Variants in RNF216 observed in about 807,000 individuals in gnomAD.
RNF216 encodes ring finger protein 216, also known as E3 ubiquitin-protein ligase RNF216.
A neutral mutation model predicts 110.8 loss-of-function variants in RNF216; 72 were observed. The observed-to-expected ratio is 0.65, with a 90% CI of 0.54 to 0.79. RNF216 has a LOEUF of 0.79. RNF216 is among the 30% of genes least tolerant of loss of function. The pLI, the probability that RNF216 is intolerant of heterozygous loss-of-function variation, is 0.00. For synonymous variants in RNF216, 495 were observed against 407.5 expected, an observed-to-expected ratio of 1.21 and a Z score of -2.59; for missense variants, 1,342 against 1,141.2, an observed-to-expected ratio of 1.18 and a Z score of -2.54.
chr7:5,768,060 C>T (rs189263090), intron 1 of RNF216, among the ~76,000 whole-genome samples: 142 of 152,018 alleles, frequency 9.3e-4, no homozygotes, highest in Non-Finnish European at 1.6e-3. Flanking sequence ...GATGATTTGC[C>T]GGTACTCTAA....
chr7:5,765,395 T>C (rs1562474796), intron 1 of RNF216, among the ~76,000 whole-genome samples: 1 of 151,578 alleles, frequency 6.6e-6, no homozygotes, highest in Non-Finnish European at 1.5e-5. Context: ...GCTTGGAAGG[T>C]GGAGGTTGCA....
intron 15 of RNF216, among the ~76,000 whole-genome samples, chr7:5,630,441 G>A (rs1787000117): frequency 6.6e-6 from 1 of 152,054 alleles, no homozygotes; most frequent in Non-Finnish European, 1.5e-5. Flanking sequence ...AAAATGGCGT[G>A]ATTATAGCTC....
At chr7:5,697,194 C>T (rs745309786) in intron 13 of RNF216, among the ~76,000 whole-genome samples, 52 of 149,404 alleles carry the variant, frequency 3.5e-4, no homozygotes, top group Admixed American at 1.4e-3. Flanking sequence ...CCCATCTCCG[C>T]CAATAAGACC....
rs770785618 is a variant in RNF216 at position 5,725,375 on chromosome 7, T to G, written c.1453A>C (p.Lys485Gln). ...GAATACTGGTTCATTTGTTTTCTCT[T>G]CTTCCTTTTTCCACTGGTTTCTGGT... ...LSPETSGKRK[K>Q]RKQMNQYSYI... Residue 485 changes from lysine to glutamine, a missense_variant, in exon 8 of 17, where the codon AAG (lysine) becomes CAG (glutamine). Transcript: ENST00000389902. The G allele has an allele frequency of 9.3e-6, 15 of 1,614,040 alleles. No individual in the cohort carries two copies. The highest frequency in any genetic ancestry group is 1.2e-5 in the Non-Finnish European group (14 of 1,179,860).
At chr7:5,773,477 G>C (rs1053755223) in intron 1 of RNF216, among the ~76,000 whole-genome samples, 1 of 151,802 alleles carries the variant, frequency 6.6e-6, no homozygotes, top group Non-Finnish European at 1.5e-5. Flanking sequence ...TCCTGACCTC[G>C]TGATTTCCCC....
chr7:5,655,001 AAC>A (rs1208181645), intron 13 of RNF216, among the ~76,000 whole-genome samples: 2 of 152,216 alleles, frequency 1.3e-5, no homozygotes, highest in Non-Finnish European at 2.9e-5. Context: ...TAACCTCTAA[AAC>A]AATGCCAACC....
chr7:5,686,369 A>G (rs1324889395), intron 13 of RNF216, among the ~76,000 whole-genome samples: 1 of 151,888 alleles, frequency 6.6e-6, no homozygotes, highest in African/African-American at 2.4e-5. Context: ...TCTCACAACC[A>G]CCCTGAAGGG....
At chr7:5,632,643 G>T (rs1287526769) in intron 15 of RNF216, among the ~76,000 whole-genome samples, 1 of 152,188 alleles carries the variant, frequency 6.6e-6, no homozygotes, top group Non-Finnish European at 1.5e-5. Flanking sequence ...CAGGCGTGGT[G>T]GTGGGTGCCT....
At chr7:5,710,079 G>A (rs941439364) in intron 13 of RNF216, among the ~76,000 whole-genome samples, 3 of 152,334 alleles carry the variant, frequency 2.0e-5, no homozygotes, top group East Asian at 1.9e-4. Context: ...ATGTCTTCAG[G>A]CTGGGGGTGG....
chr7:5,631,330 C>T (rs930637366), intron 15 of RNF216, among the ~76,000 whole-genome samples: 3 of 152,138 alleles, frequency 2.0e-5, no homozygotes, highest in South Asian at 2.1e-4. Flanking sequence ...CCAGTAGATT[C>T]CTCTTGCCCA....
intron 15 of RNF216, among the ~76,000 whole-genome samples, chr7:5,635,644 T>C (rs527643880): frequency 4.6e-5 from 7 of 152,280 alleles, no homozygotes; most frequent in African/African-American, 1.7e-4. Context: ...GATGCTGCGC[T>C]GGCCTGAGGG....
intron 1 of RNF216, among the ~76,000 whole-genome samples, chr7:5,761,979 A>G (rs1003201511): frequency 7.2e-5 from 11 of 152,206 alleles, no homozygotes; most frequent in African/African-American, 1.4e-4. Context: ...ACTTCCAGGT[A>G]TATCAGCTAA....
intron 3 of RNF216, among the ~76,000 whole-genome samples, chr7:5,748,530 C>T (rs1254008956): frequency 4.6e-5 from 7 of 152,016 alleles, no homozygotes; most frequent in Non-Finnish European, 1.0e-4. Flanking sequence ...GCGTGAGCCA[C>T]CGTGTCCAGT....
chr7:5,756,314 C>T (rs1795641661), intron 2 of RNF216, among the ~76,000 whole-genome samples: 1 of 152,200 alleles, frequency 6.6e-6, no homozygotes, highest in Admixed American at 6.5e-5. Flanking sequence ...CAGTCTCAGG[C>T]ATTTCTTCCT....
intron 1 of RNF216, chr7:5,767,068 A>T (rs967681606): frequency 1.3e-5 from 2 of 152,232 alleles, no homozygotes; most frequent in African/African-American, 4.8e-5. Flanking sequence ...ATGTTTATTA[A>T]CCTTATTTTA....
At chr7:5,715,020 C>T (rs1792952971) in intron 11 of RNF216, 33 bp downstream of exon 11, 1 of 1,587,024 alleles carries the variant, frequency 6.3e-7, no homozygotes, top group South Asian at 1.1e-5. Context: ...GGAATGTGTC[C>T]TATATACATG....
chr7:5,635,213 G>T (rs1271432778), intron 15 of RNF216, among the ~76,000 whole-genome samples: 1 of 151,936 alleles, frequency 6.6e-6, no homozygotes, highest in Admixed American at 6.6e-5. Context: ...TGGCTGTGTG[G>T]CTATTAAGAG....
At chr7:5,775,560 G>A (rs1000968365) in intron 1 of RNF216, among the ~76,000 whole-genome samples, 2 of 152,062 alleles carry the variant, frequency 1.3e-5, no homozygotes, top group African/African-American at 4.8e-5. Context: ...TAATCCCTTT[G>A]ACTTCCCAGC....
chr7:5,761,520 G>A (rs1795932843), intron 1 of RNF216, among the ~76,000 whole-genome samples: 1 of 152,198 alleles, frequency 6.6e-6, no homozygotes, highest in Non-Finnish European at 1.5e-5. Flanking sequence ...AGACGCAGTG[G>A]CTCACGCCTA....
Sources: gnomAD v4.1 joint callset for allele counts (sites outside exome capture counted in the v4.1 genomes callset) on GRCh38, gnomAD v4.1.1 for gene constraint, MANE v1.5 for transcripts, NCBI Gene and HGNC (gene_info 2026-07-23, HGNC 2026-07-21) for gene names.